The following UBE2D2 variants were observed in gnomAD, a reference collection of about 807,000 sequenced individuals.
The protein encoded by UBE2D2 is ubiquitin-conjugating enzyme E2 D2.
In UBE2D2, 2 loss-of-function variants were observed where a neutral mutation model predicts 24.2. The observed-to-expected ratio is 0.08, with a 90% confidence interval of 0.03 to 0.26. The LOEUF (loss-of-function observed/expected upper bound fraction) is 0.26. UBE2D2 is among the 10% of genes least tolerant of loss of function. UBE2D2 has a pLI of 1.00. For missense variants in UBE2D2, 44 were observed against 177.6 expected (o/e 0.25, Z 4.28); for synonymous variants, 58 against 56.5 (o/e 1.03, Z -0.12).
At chr5:139,617,330 A>G (rs1177614791) in intron 5 of UBE2D2, among the ~76,000 whole-genome samples, 2 of 151,580 alleles carry the variant, frequency 1.3e-5, no homozygotes, top group Non-Finnish European at 2.9e-5. Flanking sequence ...TAGACAAGCA[A>G]TGTTAGTTTT....
At chr5:139,587,668 A>G in intron 1 of UBE2D2, among the ~76,000 whole-genome samples, 1 of 133,418 alleles carries the variant, frequency 7.5e-6, no homozygotes, top group African/African-American at 2.8e-5. Context: ...GCAAGACCCC[A>G]TCTCAAAAAA....
chr5:139,532,578 C>T (rs1041731477), intron 1 of UBE2D2, among the ~76,000 whole-genome samples: 1 of 151,896 alleles, frequency 6.6e-6, no homozygotes, highest in Non-Finnish European at 1.5e-5. Flanking sequence ...GTATCAATCT[C>T]CTGACCTCGT....
intron 2 of UBE2D2, among the ~76,000 whole-genome samples, chr5:139,603,529 A>G (rs540744193): frequency 4.9e-4 from 73 of 147,916 alleles, no homozygotes; most frequent in African/African-American, 1.8e-3. Context: ...AGGCTGAGGC[A>G]GGAGAATCGT....
chr5:139,567,306 G>T (rs1581496468), intron 1 of UBE2D2, among the ~76,000 whole-genome samples: 1 of 152,010 alleles, frequency 6.6e-6, no homozygotes, highest in Non-Finnish European at 1.5e-5. Flanking sequence ...CACCATATTG[G>T]CCAGGCTGGT....
intron 5 of UBE2D2, among the ~76,000 whole-genome samples, chr5:139,620,022 G>A (rs554420379): frequency 4.1e-4 from 63 of 152,242 alleles, no homozygotes; most frequent in African/African-American, 1.5e-3. Flanking sequence ...AGAGAGAGAT[G>A]GGGGAGGTGC....
intron 1 of UBE2D2, among the ~76,000 whole-genome samples, chr5:139,574,594 G>A (rs1753427810): frequency 6.6e-6 from 1 of 152,068 alleles, no homozygotes; most frequent in South Asian, 2.1e-4. Flanking sequence ...TTAGTGTGTA[G>A]ACATGATTGA....
chr5:139,625,775 T>A (rs1164321363), intron 6 of UBE2D2, among the ~76,000 whole-genome samples: 1 of 151,624 alleles, frequency 6.6e-6, no homozygotes, highest in Non-Finnish European at 1.5e-5. Flanking sequence ...TGGCTAATTT[T>A]TGTGTTTTCA....
At chr5:139,609,726 C>T (rs1561519027) in intron 2 of UBE2D2, among the ~76,000 whole-genome samples, 4 of 148,688 alleles carry the variant, frequency 2.7e-5, no homozygotes, top group Non-Finnish European at 4.5e-5. Flanking sequence ...TGCTTTCTTT[C>T]TTTTTTTCTT....
chr5:139,573,029 C>T (rs906656442), intron 1 of UBE2D2, among the ~76,000 whole-genome samples: 25 of 151,894 alleles, frequency 1.6e-4, no homozygotes, highest in Admixed American at 9.8e-4. Flanking sequence ...AGGCTGGGCG[C>T]GGTGGCTCAT....
At chr5:139,532,802 T>C (rs1440949166) in intron 1 of UBE2D2, among the ~76,000 whole-genome samples, 6 of 151,944 alleles carry the variant, frequency 3.9e-5, no homozygotes, top group Non-Finnish European at 8.8e-5. Flanking sequence ...CTACTATTTT[T>C]AATGTGCTAA....
At chr5:139,590,443 T>TAAAAAAAAAAA (rs1035963843) in intron 1 of UBE2D2, among the ~76,000 whole-genome samples, 7 of 95,008 alleles carry the variant, frequency 7.4e-5, no homozygotes, top group African/African-American at 3.7e-5. Flanking sequence ...TCAAAAAAAA[T>TAAAAAAAAAAA]AAAAAAAAAA....
intron 1 of UBE2D2, among the ~76,000 whole-genome samples, chr5:139,553,313 G>T: frequency 6.6e-6 from 1 of 152,170 alleles, no homozygotes; most frequent in Non-Finnish European, 1.5e-5. Flanking sequence ...TCCCCTATAG[G>T]GTTGCTGAGA....
At chr5:139,526,914 T>C (rs1348346931) in intron 1 of UBE2D2, among the ~76,000 whole-genome samples, 1 of 152,230 alleles carries the variant, frequency 6.6e-6, no homozygotes, top group Non-Finnish European at 1.5e-5. Context: ...GATTTTGGTT[T>C]GGTATAAACG....
upstream of UBE2D2, among the ~76,000 whole-genome samples, chr5:139,557,194 T>G (rs1368904260): frequency 5.8e-5 from 8 of 137,734 alleles, no homozygotes; most frequent in African/African-American, 2.2e-4. Flanking sequence ...AGTGCAATGG[T>G]GCAATCTCGA....
At chr5:139,605,686 C>T (rs896577875) in intron 2 of UBE2D2, among the ~76,000 whole-genome samples, 3 of 151,060 alleles carry the variant, frequency 2.0e-5, no homozygotes, top group African/African-American at 7.3e-5. Flanking sequence ...CCCTCCCTTC[C>T]TTTCCCCCTC....
At chr5:139,567,263 C>G (rs1753247417) in intron 1 of UBE2D2, among the ~76,000 whole-genome samples, 2 of 152,022 alleles carry the variant, frequency 1.3e-5, no homozygotes, top group African/African-American at 2.4e-5. Flanking sequence ...CCACGCCCAG[C>G]TAATTTTTGT....
intron 1 of UBE2D2, chr5:139,562,093 C>A: frequency 1.1e-6 from 1 of 943,922 alleles, no homozygotes. Flanking sequence ...TCTCTCCAGT[C>A]TGGGACTGCC....
At chr5:139,529,345 CA>C (rs1348570771) in intron 1 of UBE2D2, among the ~76,000 whole-genome samples, 1 of 151,890 alleles carries the variant, frequency 6.6e-6, no homozygotes, top group East Asian at 1.9e-4. Context: ...AAGGGGTCCC[CA>C]AAAATGTAAT....
At chr5:139,556,066 GT>G (rs1039709769) in intron 1 of UBE2D2, among the ~76,000 whole-genome samples, 25 of 149,378 alleles carry the variant, frequency 1.7e-4, no homozygotes, top group African/African-American at 5.9e-4. Context: ...GAGAAACCCC[GT>G]CTCTACTAAA....
Sources: gnomAD v4.1 joint callset for allele counts (sites outside exome capture counted in the v4.1 genomes callset) on GRCh38, gnomAD v4.1.1 for gene constraint, MANE v1.5 for transcripts, NCBI Gene and HGNC (gene_info 2026-07-23, HGNC 2026-07-21) for gene names.